MAN1A1: variants seen among roughly 807,000 people sequenced by gnomAD.
The protein encoded by MAN1A1 is mannosidase alpha class 1A member 1, also known as mannosyl-oligosaccharide 1,2-alpha-mannosidase IA.
In MAN1A1, 29 loss-of-function variants were observed where a neutral mutation model predicts 70.8. The ratio of observed to expected loss-of-function variants is 0.41; its 90% CI spans 0.31 to 0.56. The LOEUF (loss-of-function observed/expected upper bound fraction) is 0.56. MAN1A1 is among the 20% of genes least tolerant of loss of function. MAN1A1 has a pLI of 0.29. For missense variants in MAN1A1, 747 were observed against 841.3 expected (o/e 0.89, Z 1.39); for synonymous variants, 349 against 330.1 (o/e 1.06, Z -0.62).
At chr6:119,344,075 A>G (rs942057972) in intron 2 of MAN1A1, among the ~76,000 whole-genome samples, 1 of 152,248 alleles carries the variant, frequency 6.6e-6, no homozygotes, top group African/African-American at 2.4e-5. Flanking sequence ...TCTCATACAA[A>G]TGCATTTTGT....
chr6:119,184,342 T>C (rs1773230330), intron 11 of MAN1A1, among the ~76,000 whole-genome samples: 1 of 152,240 alleles, frequency 6.6e-6, no homozygotes, highest in African/African-American at 2.4e-5. Flanking sequence ...AGAATGTTTA[T>C]AATGATTGGA....
chr6:119,272,697 A>G (rs1775957400), intron 5 of MAN1A1, among the ~76,000 whole-genome samples: 1 of 152,224 alleles, frequency 6.6e-6, no homozygotes, highest in Admixed American at 6.5e-5. Context: ...TAAAGAATAC[A>G]AAATACATAC....
At chr6:119,348,216 TGTG>T (rs1346756742) in intron 2 of MAN1A1, among the ~76,000 whole-genome samples, 1 of 152,220 alleles carries the variant, frequency 6.6e-6, no homozygotes, top group Non-Finnish European at 1.5e-5. Flanking sequence ...TCGTGTGGCT[TGTG>T]GTCACCAGAG....
chr6:119,244,861 T>C (rs1014806597), intron 6 of MAN1A1, among the ~76,000 whole-genome samples: 1 of 152,182 alleles, frequency 6.6e-6, no homozygotes, highest in African/African-American at 2.4e-5. Context: ...ATGTCTGTTA[T>C]CTTCTTGAAT....
At position 119,349,162 on chromosome 6, in the gene MAN1A1, C is replaced by G; in HGVS notation, c.-97G>C. On this transcript the variant is annotated 5_prime_UTR_variant, in exon 2 of 13. Coordinates refer to ENST00000368468, the MANE Select transcript of MAN1A1 (RefSeq NM_005907.4). ...GCTGCGGGGCTGGGTCCTGCGTAGC[C>G]AGGCCGCCCGACCCCCTCGGCTGGG... The G allele has an allele frequency of 8.1e-7, 1 of 1,231,444 alleles. No homozygotes were observed. Among genetic ancestry groups the G allele is most frequent in the Admixed American group, 4.3e-5 (1 of 23,170 alleles). 76.3% of individuals were successfully genotyped at this position (1,231,444 alleles called of 1,614,324 possible).
rs557390233 is a variant in MAN1A1 at position 119,193,387 on chromosome 6, C to T, written c.1326+390G>A. Among the ~76,000 whole-genome samples the T allele has an allele frequency of 7.9e-5, 12 of 151,786 alleles. No individual in the cohort carries two copies. In the South Asian group the frequency reaches 2.5e-3, roughly 32 times the overall value. ...CCATTTATCTCTGGGGACAAGTTTA[C>T]TTCACATGGAGGTAGCCATTGGGAC... On this transcript the variant is annotated intron_variant, in intron 9 of 12. Transcript: ENST00000368468.
intron 2 of MAN1A1, among the ~76,000 whole-genome samples, chr6:119,326,270 C>T (rs898556272): frequency 2.6e-5 from 4 of 152,164 alleles, no homozygotes; most frequent in East Asian, 1.9e-4. Flanking sequence ...ATAAGCAGGC[C>T]GAGCTGTGTC....
At position 119,178,875 on chromosome 6, in the gene MAN1A1, AAG is replaced by A. The variant is rs1261096496; in HGVS notation, c.*942_*943del. The A allele has an allele frequency of 2.0e-5, 3 of 152,134 alleles. No individual in the cohort carries two copies. Among genetic ancestry groups the A allele is most frequent in the Non-Finnish European group, 4.4e-5 (3 of 67,976 alleles). 9.4% of individuals were successfully genotyped at this position (152,134 alleles called of 1,614,324 possible). On this transcript the variant is annotated 3_prime_UTR_variant, in exon 13 of 13. Transcript: ENST00000368468. ...ACCAAATAGAATGCTTTATTTTCCAAAGAAAAAAATCAAGATGAAATACAAAC... is the reference window on the plus strand; with the variant it reads ...ACCAAATAGAATGCTTTATTTTCCAAAAAAAAATCAAGATGAAATACAAAC...
At chr6:119,312,189 T>G (rs1373721687) in intron 2 of MAN1A1, among the ~76,000 whole-genome samples, 2 of 152,156 alleles carry the variant, frequency 1.3e-5, no homozygotes, top group Non-Finnish European at 2.9e-5. Context: ...ACTCACTGAT[T>G]GTTAAACCTG....
chr6:119,348,488 C>A lies in MAN1A1; in HGVS notation c.578G>T (p.Arg193Leu), dbSNP rs759579835. 2 of 1,607,364 alleles carry A rather than the reference C, an allele frequency of 1.2e-6. No homozygotes were observed. The highest frequency in any genetic ancestry group is 1.3e-5 in the African/African-American group (1 of 74,828). Reference protein sequence around the residue: ...ESREPADAAIREKRAKIKEMM... With the variant: ...ESREPADAAILEKRAKIKEMM... ...CTCTTTGATCTTTGCCCTTTTCTCG[C>A]GGATGGCGGCGTCGGCGGGCTCCCG... The change falls in exon 2 of 13, where the codon CGC becomes CTC. Residue 193 changes from arginine to leucine, a missense_variant. Coordinates refer to ENST00000368468, the MANE Select transcript of MAN1A1 (RefSeq NM_005907.4).
At chr6:119,321,535 C>T (rs10872177) in intron 2 of MAN1A1, among the ~76,000 whole-genome samples, 50,271 of 151,690 alleles carry the variant, frequency 0.33, 8,817 homozygotes, top group Non-Finnish European at 0.36. Context: ...GTCACCTTCC[C>T]AACAACTAAC....
intron 6 of MAN1A1, among the ~76,000 whole-genome samples, chr6:119,206,554 A>C (rs1346982922): frequency 1.3e-5 from 2 of 152,238 alleles, no homozygotes; most frequent in Non-Finnish European, 2.9e-5. Context: ...AGACACAGAG[A>C]TCTGAAAATG....
intron 5 of MAN1A1, among the ~76,000 whole-genome samples, chr6:119,265,517 A>C (rs910328531): frequency 6.6e-6 from 1 of 152,198 alleles, no homozygotes. Flanking sequence ...AAGTTTAATA[A>C]AAATTTTAAA....
At chr6:119,273,506 C>T (rs1775979626) in intron 5 of MAN1A1, among the ~76,000 whole-genome samples, 1 of 152,164 alleles carries the variant, frequency 6.6e-6, no homozygotes, top group Admixed American at 6.5e-5. Flanking sequence ...CACTCCCTTA[C>T]TGCTGAATAT....
At chr6:119,331,301 T>A (rs195072) in intron 2 of MAN1A1, among the ~76,000 whole-genome samples, 28,548 of 151,808 alleles carry the variant, frequency 0.19, 3,112 homozygotes, top group Admixed American at 0.3. Context: ...TTAAAATTCA[T>A]ACTGCATTTT....
intron 4 of MAN1A1, among the ~76,000 whole-genome samples, chr6:119,291,082 T>G (rs1360437904): frequency 1.3e-5 from 2 of 152,032 alleles, no homozygotes. Flanking sequence ...ATCTTGTAGC[T>G]CACATAATTC....
Position 119,180,439 on chromosome 6 carries a change from AGG to A in MAN1A1, c.1720-14_1720-13del. 7.2e-7 allele frequency: 1 copy of A among 1,397,072 alleles called. No homozygotes were observed. Among genetic ancestry groups the A allele is most frequent in the Admixed American group, 1.9e-5 (1 of 52,422 alleles). 86.5% of individuals were successfully genotyped at this position (1,397,072 alleles called of 1,614,324 possible). A position where few individuals can be genotyped will look rare whatever the true frequency, so the allele number is the denominator to read the frequency against. The stretch of plus-strand genomic sequence containing the variant: ...TGGTTTTCCAAGGCCTAAATTATAG[AGG>A]AGGAAAAAAAAAAGTCACATTTCAG... On this transcript the variant is annotated splice_polypyrimidine_tract_variant and intron_variant, in intron 11 of 12. Transcript: ENST00000368468.
intron 5 of MAN1A1, among the ~76,000 whole-genome samples, chr6:119,286,072 TTC>T (rs1242149869): frequency 6.6e-6 from 1 of 152,182 alleles, no homozygotes; most frequent in Non-Finnish European, 1.5e-5. Flanking sequence ...CCTAACTTTA[TTC>T]TCTGTTTTTC....
chr6:119,310,565 TCTCA>T (rs1772674999), intron 2 of MAN1A1, among the ~76,000 whole-genome samples: 1 of 152,150 alleles, frequency 6.6e-6, no homozygotes, highest in Admixed American at 6.6e-5. Flanking sequence ...GGTGTGTAGT[TCTCA>T]CTAATGGATG....
Sources: gnomAD v4.1 joint callset for allele counts (sites outside exome capture counted in the v4.1 genomes callset) on GRCh38, gnomAD v4.1.1 for gene constraint, MANE v1.5 for transcripts, NCBI Gene and HGNC (gene_info 2026-07-23, HGNC 2026-07-21) for gene names.